The following VPS72 variants were observed in gnomAD, a reference collection of about 807,000 sequenced individuals.
VPS72 encodes vacuolar protein sorting 72 homolog, also known as vacuolar protein sorting-associated protein 72 homolog.
Under a neutral mutation model 38.9 loss-of-function variants are expected in VPS72, and 27 were observed. The observed-to-expected ratio is 0.69, with a 90% CI of 0.51 to 0.96. The LOEUF (loss-of-function observed/expected upper bound fraction) is 0.96. VPS72 is among the 40% of genes least tolerant of loss of function. The pLI is 0.00. For missense variants in VPS72, 360 were observed against 479.5 expected (o/e 0.75, Z 2.33); for synonymous variants, 173 against 186.3 (o/e 0.93, Z 0.58).
chr1:151,185,618 T>C lies in VPS72; in HGVS notation c.273A>G (p.Glu91=). Residue 91 remains glutamate (E), a splice_region_variant and synonymous_variant, in exon 3 of 6, where the codon GAA becomes GAG. Transcript: ENST00000368892. The part of the protein sequence containing the change: ...KRRVVTKAYK[E]PLKSLRPRKV... ...TTCGAGGCCTTAAGCTCTTGAGAGG[T>C]TCCTGAGGACAGATTGGAATCAGAT... is the stretch of plus-strand genomic sequence containing the variant. 1.2e-6 allele frequency: 2 copies of C among 1,614,006 alleles called. No individual in the cohort carries two copies. The highest frequency in any genetic ancestry group is 1.7e-6 in the Non-Finnish European group (2 of 1,180,010).
At chr1:151,188,043 T>C (rs587619169) in intron 1 of VPS72, among the ~76,000 whole-genome samples, 22 of 150,118 alleles carry the variant, frequency 1.5e-4, no homozygotes, top group African/African-American at 4.2e-4. Context: ...GTCAGTGATG[T>C]GGGTTTTTTT....
rs183820784 is a variant in VPS72 at position 151,176,808 on chromosome 1, C to T, written c.931G>A (p.Ala311Thr). Residue 311 changes from alanine to threonine, a missense_variant, in exon 6 of 6, where the codon GCC (alanine) becomes ACC (threonine). Transcript: ENST00000368892. ...ATGATCTTGAAGGCTCGAGCAGTGG[C>T]ATAGGGTATGTCTGTAACAGGGTCC... ...YRDPVTDIPY[A>T]TARAFKIIRE... 369 of 1,614,116 alleles carry T rather than the reference C, an allele frequency of 2.3e-4. 1 individual carries two copies. Among genetic ancestry groups the T allele is most frequent in the Admixed American group, 9.2e-4 (55 of 60,000 alleles).
chr1:151,184,900 C>T (rs1684315729), intron 3 of VPS72, among the ~76,000 whole-genome samples: 3 of 151,904 alleles, frequency 2.0e-5, no homozygotes, highest in Admixed American at 2.0e-4. Flanking sequence ...TAATTTCAAA[C>T]CTACGAAGTT....
rs867970118 is a variant in VPS72 at position 151,177,402 on chromosome 1, A to G, written c.708-371T>C. ...GACTCCATCTCAAAAAAAAAAAAAA[A>G]AGAAAAGAAAGAAAGAAGGAAATCA... On this transcript the variant is annotated intron_variant, in intron 5 of 5. Transcript: ENST00000368892. 6.3e-3 allele frequency among the ~76,000 whole-genome samples: 955 copies of G among 151,436 alleles called. 6 individuals are homozygous for G. The highest frequency in any genetic ancestry group is 9.1e-3 in the Non-Finnish European group (619 of 67,814).
intron 1 of VPS72, among the ~76,000 whole-genome samples, chr1:151,188,991 G>A (rs1157787886): frequency 6.6e-6 from 1 of 152,050 alleles, no homozygotes; most frequent in Non-Finnish European, 1.5e-5. Flanking sequence ...CACCACGCTT[G>A]GCTAATTTTT....
At chr1:151,180,020 T>C (rs761478743) in intron 4 of VPS72, among the ~76,000 whole-genome samples, 12 of 151,686 alleles carry the variant, frequency 7.9e-5, no homozygotes, top group African/African-American at 2.2e-4. Context: ...AGTCTGACCA[T>C]AAAAGAGTAC....
chr1:151,177,786 T>C (rs892611942), intron 5 of VPS72, among the ~76,000 whole-genome samples: 16 of 149,054 alleles, frequency 1.1e-4, no homozygotes, highest in Admixed American at 6.7e-5. Flanking sequence ...GAGGTTGCAG[T>C]GAGCCGAGAC....
intron 4 of VPS72, among the ~76,000 whole-genome samples, chr1:151,179,752 T>A (rs1171561755): frequency 2.7e-5 from 4 of 150,556 alleles, no homozygotes; most frequent in African/African-American, 9.8e-5. Flanking sequence ...ATGAGCCAGA[T>A]GTGGTGGTGT....
chr1:151,179,722 G>A (rs587694688), intron 4 of VPS72, among the ~76,000 whole-genome samples: 3 of 151,744 alleles, frequency 2.0e-5, no homozygotes, highest in South Asian at 2.1e-4. Flanking sequence ...GAGAAACCCC[G>A]TCTCTACTAA....
At chr1:151,177,904 A>G (rs1684153075) in intron 5 of VPS72, 97 bp downstream of exon 5, 1 of 1,379,110 alleles carries the variant, frequency 7.3e-7, no homozygotes. Context: ...AGAAATCTCC[A>G]AGTGTTAAGG....
At chr1:151,183,942 A>T (rs1438314868) in intron 4 of VPS72, among the ~76,000 whole-genome samples, 1 of 150,886 alleles carries the variant, frequency 6.6e-6, no homozygotes, top group Non-Finnish European at 1.5e-5. Flanking sequence ...CAGGCTGGTT[A>T]TGAACTCCTG....
At chr1:151,182,817 G>A (rs1357556629) in intron 4 of VPS72, among the ~76,000 whole-genome samples, 2 of 152,202 alleles carry the variant, frequency 1.3e-5, no homozygotes, top group East Asian at 1.9e-4. Context: ...TCCTCCTCTT[G>A]TATGAAACTA....
intron 4 of VPS72, among the ~76,000 whole-genome samples, chr1:151,178,660 A>T (rs2101722020): frequency 6.6e-6 from 1 of 152,274 alleles, no homozygotes; most frequent in South Asian, 2.1e-4. Context: ...GTAGGAAATT[A>T]TATTTAAATA....
At chr1:151,186,225 C>G (rs191086363) in intron 1 of VPS72, among the ~76,000 whole-genome samples, 2 of 151,872 alleles carry the variant, frequency 1.3e-5, no homozygotes, top group East Asian at 1.9e-4. Flanking sequence ...CAGGGGCTTA[C>G]AGTAAAGGGG....
chr1:151,177,907 T>G, intron 5 of VPS72, 94 bp downstream of exon 5: 1 of 1,380,984 alleles, frequency 7.2e-7, no homozygotes, highest in Non-Finnish European at 9.9e-7. Context: ...AATCTCCAAG[T>G]GTTAAGGAGA....
chr1:151,176,619 A>C lies in VPS72; in HGVS notation c.*25T>G, dbSNP rs775892770. On this transcript the variant is annotated 3_prime_UTR_variant, in exon 6 of 6. Coordinates refer to ENST00000368892, the MANE Select transcript of VPS72 (RefSeq NM_005997.3). ...AAGAGCCCCAATCAGGGCAGGAAAG[A>C]AGTTTCTGAGGACTAGACATCTCTT... 6.2e-7 allele frequency: 1 copy of C among 1,607,462 alleles called. No individual in the cohort carries two copies. Among genetic ancestry groups the C allele is most frequent in the Non-Finnish European group, 8.5e-7 (1 of 1,176,532 alleles).
intron 3 of VPS72, among the ~76,000 whole-genome samples, chr1:151,185,207 C>A (rs587723597): frequency 2.0e-5 from 3 of 152,030 alleles, no homozygotes; most frequent in Admixed American, 2.0e-4. Flanking sequence ...AATGGTGTAA[C>A]CTCCACCTCC....
At chr1:151,186,065 C>T in intron 1 of VPS72, 115 bp from the exon 2 acceptor site, 12 of 1,343,672 alleles carry the variant, frequency 8.9e-6, no homozygotes, top group African/African-American at 1.5e-5. Flanking sequence ...CTTCCTAATC[C>T]AGCCCTTCAT....
rs1038269111 is a variant in VPS72, at chr1:151,184,499, A to G, written c.386-6T>C. 1.4e-5 allele frequency: 22 copies of G among 1,601,144 alleles called. No homozygotes were observed. The highest frequency in any genetic ancestry group is 1.8e-5 in the Non-Finnish European group (21 of 1,171,432). On this transcript the variant is annotated splice_polypyrimidine_tract_variant and splice_region_variant and intron_variant, in intron 3 of 5. Coordinates refer to ENST00000368892, the MANE Select transcript of VPS72 (RefSeq NM_005997.3). ...CTGACGCATAGACTTCCGACCTGGA[A>G]GAGAGTGAGATAAGAAGAAATCTTT... is the stretch of plus-strand genomic sequence containing the variant.
Sources: allele counts gnomAD v4.1 joint callset (sites outside exome capture counted in the v4.1 genomes callset), GRCh38; gene constraint gnomAD v4.1.1; transcripts MANE v1.5; gene names NCBI Gene and HGNC (gene_info 2026-07-23, HGNC 2026-07-21).